Variants in MYT1L observed in about 807,000 individuals in gnomAD.
MYT1L encodes the protein myelin transcription factor 1 like, also known as myelin transcription factor 1-like protein.
Under a neutral mutation model 126.7 loss-of-function variants are expected in MYT1L, and 12 were observed. That is an observed-to-expected ratio of 0.09 (90% CI 0.06 to 0.15). MYT1L has a LOEUF of 0.15. MYT1L is among the 10% of genes least tolerant of loss of function. MYT1L has a pLI of 1.00. For missense variants in MYT1L, 979 were observed against 1,585.2 expected (o/e 0.62, Z 6.49); for synonymous variants, 541 against 604.2 (o/e 0.90, Z 1.53).
intron 5 of MYT1L, among the ~76,000 whole-genome samples, chr2:1,987,822 C>G (rs1459446456): frequency 6.6e-6 from 1 of 152,190 alleles, no homozygotes. Context: ...CATTCCCATG[C>G]TGGGCCTCAA....
chr2:1,958,801 A>T (rs2058725946), intron 8 of MYT1L, among the ~76,000 whole-genome samples: 3 of 151,242 alleles, frequency 2.0e-5, no homozygotes, highest in African/African-American at 7.3e-5. Flanking sequence ...AACCGACTGC[A>T]GAGGCCCCTT....
In MYT1L at chr2:2,122,229, T is replaced by C. The variant is rs564409423; in HGVS notation, c.-304+50643A>G. ...TGGCTTGGAGTCTGAGTGCTACTTC[T>C]TCCTGTATGTGCCATCTTGGACGAT... is the stretch of plus-strand genomic sequence containing the variant. On this transcript the variant is annotated intron_variant, in intron 3 of 24. Transcript: ENST00000647738. Among the ~76,000 whole-genome samples the C allele has an allele frequency of 2.0e-5, 3 of 152,290 alleles. No individual in the cohort carries two copies. In the East Asian group the frequency reaches 5.8e-4, roughly 30 times the overall value.
At chr2:2,214,275 A>T (rs1202591633) in intron 2 of MYT1L, among the ~76,000 whole-genome samples, 1 of 151,872 alleles carries the variant, frequency 6.6e-6, no homozygotes, top group Admixed American at 6.6e-5. Context: ...CTATCTATCT[A>T]TCTATCTATC....
At chr2:2,097,576 C>T (rs2077578593) in intron 3 of MYT1L, among the ~76,000 whole-genome samples, 1 of 152,124 alleles carries the variant, frequency 6.6e-6, no homozygotes, top group African/African-American at 2.4e-5. Context: ...GGTTTTTACA[C>T]AGTGGAAACT....
intron 2 of MYT1L, among the ~76,000 whole-genome samples, chr2:2,206,290 ACTTT>A (rs142050783): frequency 0.021 from 3,150 of 152,178 alleles, 75 homozygotes; most frequent in East Asian, 0.074. Flanking sequence ...GCTGTACCAT[ACTTT>A]CATGTCTTTG....
At chr2:1,957,489 T>C (rs1358744510) in intron 8 of MYT1L, among the ~76,000 whole-genome samples, 1 of 152,090 alleles carries the variant, frequency 6.6e-6, no homozygotes, top group South Asian at 2.1e-4. Context: ...TGCGTCTTCA[T>C]AGCTTAGCTC....
intron 21 of MYT1L, among the ~76,000 whole-genome samples, chr2:1,833,567 A>G (rs2040463151): frequency 1.3e-5 from 2 of 152,234 alleles, no homozygotes; most frequent in South Asian, 2.1e-4. Flanking sequence ...ATGTGCCTCC[A>G]GTTCTCCCCC....
intron 2 of MYT1L, among the ~76,000 whole-genome samples, chr2:2,211,255 C>CA (rs929362363): frequency 5.9e-5 from 9 of 152,048 alleles, no homozygotes; most frequent in Admixed American, 3.9e-4. Context: ...CCCTTATAGC[C>CA]AAAATTTTGA....
intron 12 of MYT1L, 26 bp downstream of exon 12, chr2:1,911,994 A>G: frequency 6.4e-7 from 1 of 1,550,888 alleles, no homozygotes; most frequent in Non-Finnish European, 8.8e-7. Context: ...GCTCCCTCCC[A>G]CACCAGTGAC....
intron 2 of MYT1L, among the ~76,000 whole-genome samples, chr2:2,254,274 C>T (rs1467059668): frequency 6.6e-6 from 1 of 152,194 alleles, no homozygotes; most frequent in Non-Finnish European, 1.5e-5. Context: ...AAATCTTCAA[C>T]AATGACTGCA....
chr2:2,047,180 T>A (rs1477466606), intron 4 of MYT1L, among the ~76,000 whole-genome samples: 1 of 152,248 alleles, frequency 6.6e-6, no homozygotes, highest in African/African-American at 2.4e-5. Context: ...TTCTTTTGAC[T>A]CAGCAAGATT....
intron 4 of MYT1L, among the ~76,000 whole-genome samples, chr2:2,033,538 C>T (rs1008407027): frequency 2.0e-5 from 3 of 152,164 alleles, no homozygotes; most frequent in African/African-American, 7.2e-5. Flanking sequence ...TACAATGCTA[C>T]TCCCTGAAAA....
chr2:2,132,516 T>C (rs191237460), intron 3 of MYT1L, among the ~76,000 whole-genome samples: 4,835 of 148,360 alleles, frequency 0.033, 119 homozygotes, highest in Non-Finnish European at 0.051. Context: ...TAAGTGGGAG[T>C]TGAACAATGA....
Position 2,228,996 on chromosome 2 carries a change from G to A in MYT1L, c.-421+55408C>T, listed in dbSNP as rs1047052797. Among the ~76,000 whole-genome samples, 3 of 152,162 alleles carry A rather than the reference G, an allele frequency of 2.0e-5. No individual in the cohort carries two copies. Among genetic ancestry groups the A allele is most frequent in the Non-Finnish European group, 4.4e-5 (3 of 68,028 alleles). Reference sequence around the variant, plus strand: ...CGTATCCAGCTGAGCTCCTGGCTCCGATTTCTCAGCAGCAAACAGCCGGTT... The same window carrying A: ...CGTATCCAGCTGAGCTCCTGGCTCCAATTTCTCAGCAGCAAACAGCCGGTT... On this transcript the variant is annotated intron_variant, in intron 2 of 24. Transcript: ENST00000647738. The surrounding 1 kb of genome is among the most constrained non-coding windows in gnomAD (Gnocchi z 5.9).
At position 2,182,909 on chromosome 2, in the gene MYT1L, G is replaced by A. The variant is rs181493228; in HGVS notation, c.-420-9921C>T. On this transcript the variant is annotated intron_variant, in intron 2 of 24. Transcript: ENST00000647738. ...AGTTGCAGGGGAGAGAAGGAGGGAG[G>A]TCATCGCTTCTCCTCTAAGTAAGGA... Among the ~76,000 whole-genome samples, 31 of 152,264 alleles carry A rather than the reference G, an allele frequency of 2.0e-4. No individual in the cohort carries two copies. In the East Asian group the frequency reaches 6.0e-3, roughly 29 times the overall value.
intron 2 of MYT1L, among the ~76,000 whole-genome samples, chr2:2,225,060 C>T (rs1040030482): frequency 6.6e-6 from 1 of 151,784 alleles, no homozygotes; most frequent in African/African-American, 2.4e-5. Flanking sequence ...CCAGTCCTGT[C>T]TAAGACATCC....
In MYT1L at chr2:1,910,681, T is replaced by A. The variant is rs1204159083; in HGVS notation, c.1710-334A>T. Among the ~76,000 whole-genome samples the A allele has an allele frequency of 6.6e-6, 1 of 152,104 alleles. No individual in the cohort carries two copies. The highest frequency in any genetic ancestry group is 1.5e-5 in the Non-Finnish European group (1 of 68,020). On this transcript the variant is annotated intron_variant, in intron 12 of 24. Coordinates refer to ENST00000647738, the MANE Select transcript of MYT1L (RefSeq NM_001303052.2). This position sits in a 1 kb window ranked among gnomAD's most constrained non-coding sequence, Gnocchi z 4.8. ...TGTAGACAGATTCCATTTCTGGAGA[T>A]GAAGAATTAACAGCTTGGGTAGGAT...
chr2:1,842,228 C>T (rs2041826736), intron 19 of MYT1L: 1 of 152,368 alleles, frequency 6.6e-6, no homozygotes, highest in Non-Finnish European at 1.5e-5. Context: ...AGTGCTCACT[C>T]CCCTAAAGGG....
At chr2:2,097,268 C>A (rs1337975587) in intron 3 of MYT1L, among the ~76,000 whole-genome samples, 2 of 152,162 alleles carry the variant, frequency 1.3e-5, no homozygotes, top group African/African-American at 2.4e-5. Context: ...CTGGAGTGAG[C>A]TTTCTTGTGT....
Sources: allele counts gnomAD v4.1 joint callset (sites outside exome capture counted in the v4.1 genomes callset), GRCh38; gene constraint gnomAD v4.1.1; non-coding constraint Gnocchi (gnomAD v3.1); transcripts MANE v1.5; gene names NCBI Gene and HGNC (gene_info 2026-07-23, HGNC 2026-07-21).